PACRG: variants seen among roughly 807,000 people sequenced by gnomAD.
The protein encoded by PACRG is parkin coregulated.
Under a neutral mutation model 29.7 loss-of-function variants are expected in PACRG, and 29 were observed. The ratio of observed to expected loss-of-function variants is 0.98; its 90% CI spans 0.73 to 1.33. The LOEUF (loss-of-function observed/expected upper bound fraction) is 1.33, where lower values mean the gene tolerates loss of function less well. Among genes scored for constraint, PACRG ranks in the 40% most tolerant of loss-of-function variants. The pLI is 0.00. For missense variants in PACRG, 279 were observed against 316.2 expected (o/e 0.88, Z 0.89); for synonymous variants, 116 against 118.7 (o/e 0.98, Z 0.15).
intron 2 of PACRG, among the ~76,000 whole-genome samples, chr6:162,958,792 A>G (rs1723610986): frequency 6.7e-6 from 1 of 148,604 alleles, no homozygotes; most frequent in Admixed American, 6.8e-5. Context: ...ACATATACAC[A>G]CACATATATA....
In PACRG at chr6:163,261,802, TA is replaced by T. The variant is rs1783336629; in HGVS notation, c.614-53023del. Among the ~76,000 whole-genome samples, 3 of 152,312 alleles carry T rather than the reference TA, an allele frequency of 2.0e-5. No homozygotes were observed. The South Asian group carries it at 6.2e-4, about 32-fold the overall frequency. Reference sequence around the variant, plus strand: ...TAGCCTTACATTGTGTTAGATATGATAAGTAATATAGAGATGATTTAAAGGA... The same window carrying T: ...TAGCCTTACATTGTGTTAGATATGATAGTAATATAGAGATGATTTAAAGGA... On this transcript the variant is annotated intron_variant, in intron 4 of 4. Transcript: ENST00000366888.
intron 2 of PACRG, among the ~76,000 whole-genome samples, chr6:162,841,432 G>T (rs534630468): frequency 3.4e-4 from 52 of 152,030 alleles, no homozygotes; most frequent in African/African-American, 1.2e-3. Context: ...CTGTGGGATC[G>T]GTGGTGATAT....
At chr6:163,122,343 G>T (rs1438408769) in intron 4 of PACRG, among the ~76,000 whole-genome samples, 10 of 151,722 alleles carry the variant, frequency 6.6e-5, no homozygotes, top group Non-Finnish European at 4.4e-5. Flanking sequence ...AGATGTAATT[G>T]TGCTATAGTT....
chr6:163,187,893 C>G (rs1780027626), intron 4 of PACRG: 1 of 152,282 alleles, frequency 6.6e-6, no homozygotes, highest in Non-Finnish European at 1.5e-5. Context: ...GGCTTTCTCC[C>G]AGTCCCCTTT....
intron 1 of PACRG, among the ~76,000 whole-genome samples, chr6:162,803,780 T>C (rs1321960292): frequency 1.3e-5 from 2 of 152,098 alleles, no homozygotes; most frequent in Admixed American, 1.3e-4. Context: ...GTAATCTAAA[T>C]TGAACAGGAA....
intron 1 of PACRG, among the ~76,000 whole-genome samples, chr6:162,810,037 G>A (rs1786705520): frequency 6.6e-6 from 1 of 152,240 alleles, no homozygotes; most frequent in African/African-American, 2.4e-5. Context: ...ACTGCCCAGG[G>A]TAATGAGGCC....
At chr6:162,819,905 C>T (rs563440663) in intron 2 of PACRG, among the ~76,000 whole-genome samples, 20 of 152,188 alleles carry the variant, frequency 1.3e-4, no homozygotes, top group Non-Finnish European at 2.9e-4. Flanking sequence ...TACAAATTTG[C>T]CACAGAGATC....
rs1353924770 is a variant in PACRG, at chr6:162,858,835, G to A, written c.291+44554G>A. On this transcript the variant is annotated intron_variant, in intron 2 of 4. Coordinates refer to ENST00000366888, the MANE Select transcript of PACRG (RefSeq NM_001080379.2). ...GTCACATGAGGTCTTCAGGGAAGAA[G>A]TGAGGCCGCAGGTCAAAGAGTGGCC... Among the ~76,000 whole-genome samples the A allele has an allele frequency of 3.9e-5, 6 of 152,288 alleles. 1 individual carries two copies. Among genetic ancestry groups the A allele is most frequent in the African/African-American group, 1.4e-4 (6 of 41,570 alleles).
At chr6:163,302,155 C>A (rs1585413280) in intron 4 of PACRG, among the ~76,000 whole-genome samples, 1 of 152,220 alleles carries the variant, frequency 6.6e-6, no homozygotes, top group African/African-American at 2.4e-5. Context: ...TTGTGCAAAC[C>A]CAATTTTGCT....
intron 2 of PACRG, among the ~76,000 whole-genome samples, chr6:162,993,120 T>C (rs1306879600): frequency 1.3e-5 from 2 of 150,162 alleles, no homozygotes; most frequent in African/African-American, 2.5e-5. Context: ...TTGTTATAAT[T>C]TCTGTTCTTT....
intron 2 of PACRG, among the ~76,000 whole-genome samples, chr6:162,875,096 C>T (rs111210776): frequency 3.9e-5 from 6 of 152,268 alleles, no homozygotes; most frequent in African/African-American, 1.4e-4. Context: ...CATGTGCTCA[C>T]ACACATTTGC....
chr6:163,059,803 G>A (rs563916063), intron 2 of PACRG, among the ~76,000 whole-genome samples: 75 of 152,282 alleles, frequency 4.9e-4, no homozygotes, highest in Non-Finnish European at 9.7e-4. Flanking sequence ...GTTCACAACA[G>A]TGTCTGGCAT....
intron 2 of PACRG, among the ~76,000 whole-genome samples, chr6:163,028,956 A>G (rs1377356297): frequency 6.6e-6 from 1 of 152,252 alleles, no homozygotes; most frequent in African/African-American, 2.4e-5. Flanking sequence ...CAAAAGGGAC[A>G]TGGCAGATGC....
At chr6:162,988,799 CA>C (rs150836444) in intron 2 of PACRG, among the ~76,000 whole-genome samples, 5,240 of 152,028 alleles carry the variant, frequency 0.034, 139 homozygotes, top group Non-Finnish European at 0.05. Flanking sequence ...TAAAAGTTTA[CA>C]AAGAGTTCTT....
intron 1 of PACRG, among the ~76,000 whole-genome samples, chr6:162,773,826 GA>G (rs1391586456): frequency 6.6e-6 from 1 of 151,922 alleles, no homozygotes; most frequent in African/African-American, 2.4e-5. Flanking sequence ...GTCTTTACAG[GA>G]ATCAGCATAT....
At chr6:162,812,714 T>A (rs1562622161) in intron 1 of PACRG, among the ~76,000 whole-genome samples, 1 of 152,274 alleles carries the variant, frequency 6.6e-6, no homozygotes, top group Non-Finnish European at 1.5e-5. Context: ...CTAAAACTGT[T>A]CTTTTTATGT....
At chr6:163,205,270 C>A (rs1562315291) in intron 4 of PACRG, among the ~76,000 whole-genome samples, 1 of 151,998 alleles carries the variant, frequency 6.6e-6, no homozygotes, top group African/African-American at 2.4e-5. Flanking sequence ...AAATCTTAAG[C>A]AAAAAGAACA....
At chr6:163,251,472 T>C (rs909427564) in intron 4 of PACRG, among the ~76,000 whole-genome samples, 1 of 152,194 alleles carries the variant, frequency 6.6e-6, no homozygotes, top group African/African-American at 2.4e-5. Flanking sequence ...TTTCCCAATA[T>C]TCAATCATAA....
chr6:163,256,174 C>T (rs76682320), intron 4 of PACRG, among the ~76,000 whole-genome samples: 1 of 152,184 alleles, frequency 6.6e-6, no homozygotes, highest in Non-Finnish European at 1.5e-5. Context: ...TAATTTTTCT[C>T]TAATGTGCTA....
Sources: allele counts gnomAD v4.1 joint callset (sites outside exome capture counted in the v4.1 genomes callset), GRCh38; gene constraint gnomAD v4.1.1; transcripts MANE v1.5; gene names NCBI Gene and HGNC (gene_info 2026-07-23, HGNC 2026-07-21).